The following CKMT2 variants were observed in gnomAD, a reference collection of about 807,000 sequenced individuals.
The protein encoded by CKMT2 is creatine kinase, mitochondrial 2, also known as creatine kinase S-type, mitochondrial.
CKMT2 carries 43 observed loss-of-function variants against 48.9 expected under a neutral mutation model. That is an observed-to-expected ratio of 0.88 (90% CI 0.69 to 1.13). The LOEUF (loss-of-function observed/expected upper bound fraction) is 1.13. CKMT2 is among the 50% of genes most tolerant of loss of function. CKMT2 has a pLI of 0.00. For synonymous variants in CKMT2, 206 were observed against 213.0 expected (o/e 0.97, Z 0.29); for missense variants, 472 against 555.4 (o/e 0.85, Z 1.51).
intron 1 of CKMT2, among the ~76,000 whole-genome samples, chr5:81,242,876 T>C (rs757156392): frequency 3.3e-5 from 5 of 152,194 alleles, no homozygotes; most frequent in Admixed American, 6.5e-5. Context: ...GGTGTGGGAA[T>C]TGTTTTCTGA....
intron 1 of CKMT2, chr5:81,237,879 A>C (rs1756297679): frequency 6.6e-6 from 1 of 152,084 alleles, no homozygotes; most frequent in Admixed American, 6.5e-5. Flanking sequence ...GGCAGTTTTA[A>C]CTCCTTTAAT....
intron 1 of CKMT2, among the ~76,000 whole-genome samples, chr5:81,242,791 T>C (rs1756481280): frequency 6.6e-6 from 1 of 152,224 alleles, no homozygotes; most frequent in Non-Finnish European, 1.5e-5. Flanking sequence ...AGCTAGGGAA[T>C]TTCTGGAACT....
At chr5:81,238,931 C>T (rs942761593) in intron 1 of CKMT2, 4 of 152,238 alleles carry the variant, frequency 2.6e-5, no homozygotes. Context: ...TCTATAAAAG[C>T]TCCTTGAGGG....
Position 81,260,007 on chromosome 5 carries a change from T to A in CKMT2, c.1014+753T>A, listed in dbSNP as rs550118776. On this transcript the variant is annotated intron_variant, in intron 8 of 9. Coordinates refer to ENST00000254035, the MANE Select transcript of CKMT2 (RefSeq NM_001099735.2). Reference sequence around the variant, plus strand: ...TCCTCAGCAAATGCAAAAGAACGGATATCATAACAGTCTCTCAGACCACAG... The same window carrying A: ...TCCTCAGCAAATGCAAAAGAACGGAAATCATAACAGTCTCTCAGACCACAG... Among the ~76,000 whole-genome samples, 14 of 152,012 alleles carry A rather than the reference T, an allele frequency of 9.2e-5. No homozygotes were observed. In the East Asian group the frequency reaches 2.5e-3, roughly 27 times the overall value.
chr5:81,264,495 G>T (rs1227648909), intron 9 of CKMT2, among the ~76,000 whole-genome samples: 1 of 152,138 alleles, frequency 6.6e-6, no homozygotes, highest in Non-Finnish European at 1.5e-5. Flanking sequence ...CTGAGGAAAA[G>T]GAAAGGAAGA....
intron 5 of CKMT2, among the ~76,000 whole-genome samples, chr5:81,256,436 A>C (rs998888454): frequency 2.0e-5 from 3 of 152,236 alleles, no homozygotes; most frequent in Non-Finnish European, 4.4e-5. Flanking sequence ...CATTAATGGT[A>C]ACTATATTTA....
At chr5:81,246,114 A>G (rs754358470) in intron 1 of CKMT2, among the ~76,000 whole-genome samples, 20 of 151,556 alleles carry the variant, frequency 1.3e-4, no homozygotes, top group Non-Finnish European at 7.4e-5. Flanking sequence ...CATTCTGCAC[A>G]TGTCCCTCTA....
intron 1 of CKMT2, among the ~76,000 whole-genome samples, 155 bp from the exon 2 acceptor site, chr5:81,250,958 C>CACACACACACAG (rs1191935091): frequency 1.3e-5 from 2 of 150,084 alleles, no homozygotes; most frequent in Non-Finnish European, 3.0e-5. Flanking sequence ...CACACACACA[C>CACACACACACAG]ACACACACAC....
intron 7 of CKMT2, 57 bp from the exon 8 acceptor site, chr5:81,259,063 C>CTGAA: frequency 6.4e-7 from 1 of 1,551,986 alleles, no homozygotes; most frequent in Non-Finnish European, 8.8e-7. Context: ...TAGGGATGTG[C>CTGAA]TGAATGAATG....
At chr5:81,249,179 G>A (rs1041703237) in intron 1 of CKMT2, among the ~76,000 whole-genome samples, 4 of 151,538 alleles carry the variant, frequency 2.6e-5, no homozygotes, top group African/African-American at 9.7e-5. Context: ...CTCCTGAGTA[G>A]CTGAGACTAC....
intron 3 of CKMT2, 85 bp from the exon 4 acceptor site, chr5:81,254,311 A>T: frequency 8.5e-7 from 1 of 1,181,710 alleles, no homozygotes; most frequent in Non-Finnish European, 1.3e-6. Context: ...TTTGGCTTTT[A>T]AGATACAAGG....
intron 2 of CKMT2, 101 bp downstream of exon 2, chr5:81,251,385 A>G: frequency 7.9e-7 from 1 of 1,270,300 alleles, no homozygotes. Flanking sequence ...CAAGAGATCG[A>G]GACCATCCTG....
intron 1 of CKMT2, among the ~76,000 whole-genome samples, chr5:81,241,197 A>G (rs114591296): frequency 1.1e-3 from 165 of 152,274 alleles, no homozygotes; most frequent in African/African-American, 3.9e-3. Context: ...AGCCTTGCCA[A>G]GCTTCTTACA....
chr5:81,263,413 CTTT>C (rs1362888859), intron 8 of CKMT2, 75 bp from the exon 9 acceptor site: 6 of 1,016,594 alleles, frequency 5.9e-6, no homozygotes, highest in Admixed American at 2.7e-5. Context: ...CACTATATGT[CTTT>C]TGTCAGTAAA....
rs1757246937 is a variant in CKMT2, at chr5:81,262,197, G to GGATTAAAGACTT, written c.1015-1293_1015-1282dup. On this transcript the variant is annotated intron_variant, in intron 8 of 9. Coordinates refer to ENST00000254035, the MANE Select transcript of CKMT2 (RefSeq NM_001099735.2). ...CTTTATACAAAAAGTAACTCAAGAT[G>GGATTAAAGACTT]GATTAAAGACTTAAACATAAGACCT... is the stretch of plus-strand genomic sequence containing the variant. Among the ~76,000 whole-genome samples the GGATTAAAGACTT allele has an allele frequency of 5.3e-5, 8 of 152,118 alleles. No homozygotes were observed. The South Asian group carries it at 1.7e-3, about 32-fold the overall frequency.
chr5:81,235,482 C>T (rs993495874), intron 1 of CKMT2, among the ~76,000 whole-genome samples: 49 of 152,302 alleles, frequency 3.2e-4, no homozygotes, highest in African/African-American at 1.1e-3. Flanking sequence ...CTTCCACCTG[C>T]CCTCTGGCTG....
chr5:81,254,756 A>T, intron 4 of CKMT2: 1 of 596,550 alleles, frequency 1.7e-6, no homozygotes, highest in South Asian at 2.1e-5. Flanking sequence ...TTCATCCCAA[A>T]CCACCCAGTG....
chr5:81,257,630 G>T, intron 6 of CKMT2, 103 bp from the exon 7 acceptor site: 1 of 968,218 alleles, frequency 1.0e-6, no homozygotes, highest in Admixed American at 2.5e-5. Flanking sequence ...TCTAGGAAAT[G>T]AGGAAGGTGA....
chr5:81,259,852 G>A (rs543255693), intron 8 of CKMT2, among the ~76,000 whole-genome samples: 7 of 152,158 alleles, frequency 4.6e-5, no homozygotes, highest in Admixed American at 1.3e-4. Flanking sequence ...ACTTGAACTC[G>A]GCTCTGGACC....
Sources: allele counts gnomAD v4.1 joint callset (sites outside exome capture counted in the v4.1 genomes callset), GRCh38; gene constraint gnomAD v4.1.1; transcripts MANE v1.5; gene names NCBI Gene and HGNC (gene_info 2026-07-23, HGNC 2026-07-21).